LMOD1: variants seen among roughly 807,000 people sequenced by gnomAD.
The protein encoded by LMOD1 is leiomodin-1.
LMOD1 carries 8 observed loss-of-function variants against 36.5 expected under a neutral mutation model. The ratio of observed to expected loss-of-function variants is 0.22; its 90% confidence interval spans 0.13 to 0.40. The LOEUF (loss-of-function observed/expected upper bound fraction) is 0.40, where lower values mean the gene tolerates loss of function less well. Ranked by LOEUF, LMOD1 falls within the 10% of genes least tolerant of loss-of-function variation. The pLI, the probability that LMOD1 is intolerant of heterozygous loss-of-function variation, is 1.00. For missense variants in LMOD1, 630 were observed against 751.1 expected (o/e 0.84, Z 1.88); for synonymous variants, 284 against 288.7 (o/e 0.98, Z 0.17).
Position 201,913,914 on chromosome 1 carries a change from T to G in LMOD1, c.262-13163A>C, listed in dbSNP as rs80291061. Among the ~76,000 whole-genome samples, 463 of 152,284 alleles carry G rather than the reference T, an allele frequency of 3.0e-3. 2 individuals are homozygous for G. Among genetic ancestry groups the G allele is most frequent in the Non-Finnish European group, 3.5e-3 (240 of 68,026 alleles). On this transcript the variant is annotated intron_variant, in intron 1 of 2. Coordinates refer to ENST00000367288, the MANE Select transcript of LMOD1 (RefSeq NM_012134.3). The stretch of plus-strand genomic sequence containing the variant: ...TTTATGTAGCTTGTTTATCTATTCA[T>G]CCATTGATAGACACTTGGGCTGTTT...
At position 201,946,224 on chromosome 1, in the gene LMOD1, C is replaced by T. The variant is rs775937943; in HGVS notation, c.117G>A (p.Val39=). 6.2e-7 allele frequency: 1 copy of T among 1,614,042 alleles called. No individual in the cohort carries two copies. The highest frequency in any genetic ancestry group is 1.1e-5 in the South Asian group (1 of 91,088). The part of the protein sequence containing the change: ...MEELEKELDV[V]DPDGSVPVGL... Reference sequence around the variant, plus strand: ...CCACGGGAACACTCCCGTCTGGGTCCACCACGTCCAGCTCCTTCTCCAGCT... The same window carrying T: ...CCACGGGAACACTCCCGTCTGGGTCTACCACGTCCAGCTCCTTCTCCAGCT... The change falls in exon 1 of 3, where the codon GTG becomes GTA. Residue 39 remains valine, a synonymous_variant. Transcript: ENST00000367288.
intron 1 of LMOD1, among the ~76,000 whole-genome samples, chr1:201,943,141 A>T (rs895031940): frequency 2.0e-5 from 3 of 152,176 alleles, no homozygotes; most frequent in South Asian, 4.1e-4. Context: ...GGTTCTATCC[A>T]TGTGTGTTTT....
At chr1:201,937,206 G>C (rs1319353121) in intron 1 of LMOD1, among the ~76,000 whole-genome samples, 1 of 152,184 alleles carries the variant, frequency 6.6e-6, no homozygotes, top group East Asian at 1.9e-4. Flanking sequence ...CAGCACTTGG[G>C]AGGCCAAGGC....
intron 1 of LMOD1, among the ~76,000 whole-genome samples, chr1:201,915,512 G>A (rs1571580997): frequency 1.3e-5 from 2 of 152,010 alleles, no homozygotes; most frequent in South Asian, 2.1e-4. Flanking sequence ...TCCCTATCTG[G>A]GCAAGTGGCT....
chr1:201,943,314 T>A (rs1682151400), intron 1 of LMOD1, among the ~76,000 whole-genome samples: 1 of 152,246 alleles, frequency 6.6e-6, no homozygotes, highest in African/African-American at 2.4e-5. Flanking sequence ...GGAATAAAAA[T>A]ACACATCTCC....
chr1:201,934,639 T>C (rs1440279060), intron 1 of LMOD1, among the ~76,000 whole-genome samples: 2 of 152,220 alleles, frequency 1.3e-5, no homozygotes, highest in African/African-American at 2.4e-5. Context: ...GAGACTTATC[T>C]AGATGCTCCA....
rs73072603 is a variant in LMOD1, at chr1:201,928,522, C to G, written c.261+17558G>C. ...GGCTCTGTGAGTGCTGTGAAGAGGG[C>G]CACTCCCTCTCCTGCTCTTGTGTGT... On this transcript the variant is annotated intron_variant, in intron 1 of 2. Coordinates refer to ENST00000367288, the MANE Select transcript of LMOD1 (RefSeq NM_012134.3). Among the ~76,000 whole-genome samples the G allele has an allele frequency of 8.7e-3, 1,318 of 152,284 alleles. 16 individuals are homozygous for G. The highest frequency in any genetic ancestry group is 0.03 in the African/African-American group (1,247 of 41,560).
chr1:201,898,002 A>C lies in LMOD1; in HGVS notation c.*370T>G. Reference sequence around the variant, plus strand: ...GGCCTGAATCCTGGCCCTGGAGGGCAGTGGGGCTGGGGTGGATGTGGTCCC... The same window carrying C: ...GGCCTGAATCCTGGCCCTGGAGGGCCGTGGGGCTGGGGTGGATGTGGTCCC... On this transcript the variant is annotated 3_prime_UTR_variant, in exon 3 of 3. Coordinates refer to ENST00000367288, the MANE Select transcript of LMOD1 (RefSeq NM_012134.3). 4.5e-6 allele frequency: 1 copy of C among 224,004 alleles called. No homozygotes were observed. Among genetic ancestry groups the C allele is most frequent in the South Asian group, 9.8e-5 (1 of 10,234 alleles). The allele number at this position is 224,004 out of a possible 1,614,324, so 13.9% of individuals were successfully genotyped here.
intron 1 of LMOD1, among the ~76,000 whole-genome samples, chr1:201,904,969 G>T (rs1409500513): frequency 6.6e-6 from 1 of 152,170 alleles, no homozygotes; most frequent in East Asian, 1.9e-4. Context: ...GTACATCCCG[G>T]TGACCTCCAG....
At position 201,935,864 on chromosome 1, in the gene LMOD1, G is replaced by A. The variant is rs1682009469; in HGVS notation, c.261+10216C>T. 2.0e-5 allele frequency among the ~76,000 whole-genome samples: 3 copies of A among 151,436 alleles called. No homozygotes were observed. In the South Asian group the frequency reaches 6.3e-4, roughly 32 times the overall value. On this transcript the variant is annotated intron_variant, in intron 1 of 2. Transcript: ENST00000367288. Reference sequence around the variant, plus strand: ...GAGCCACCACACCTGGCCAATCCCAGGACTTTGGGAGGCCGAGGTGGGCAG... The same window carrying A: ...GAGCCACCACACCTGGCCAATCCCAAGACTTTGGGAGGCCGAGGTGGGCAG...
chr1:201,909,518 T>C (rs969032964), intron 1 of LMOD1, among the ~76,000 whole-genome samples: 1 of 152,204 alleles, frequency 6.6e-6, no homozygotes, highest in Non-Finnish European at 1.5e-5. Context: ...GTCCTGGGAT[T>C]ACAGGTGTGA....
Position 201,900,458 on chromosome 1 carries a change from G to A in LMOD1, c.555C>T (p.Thr185=). 6.2e-7 allele frequency: 1 copy of A among 1,607,156 alleles called. No individual in the cohort carries two copies. Among genetic ancestry groups the A allele is most frequent in the Non-Finnish European group, 8.5e-7 (1 of 1,176,746 alleles). The change falls in exon 2 of 3, where the codon ACC becomes ACT. Residue 185 remains threonine, a synonymous_variant. Transcript: ENST00000367288. The part of the protein sequence containing the change: ...DGRGEERAVA[T]KKEEEKKGSD... The stretch of plus-strand genomic sequence containing the variant: ...TCCCTTTCTTCTCCTCTTCCTTCTT[G>A]GTGGCCACTGCCCTCTCCTCTCCTC...
chr1:201,914,909 C>T (rs747038505), intron 1 of LMOD1, among the ~76,000 whole-genome samples: 9 of 152,108 alleles, frequency 5.9e-5, no homozygotes, highest in Non-Finnish European at 1.0e-4. Context: ...TCCACAGTCC[C>T]TTCCAGCTGT....
chr1:201,930,742 G>A (rs1240059521), intron 1 of LMOD1, among the ~76,000 whole-genome samples: 1 of 152,164 alleles, frequency 6.6e-6, no homozygotes, highest in Non-Finnish European at 1.5e-5. Context: ...TGCATAGGAA[G>A]GGCAGAGCCC....
In LMOD1 at chr1:201,939,276, T is replaced by A. The variant is rs1269526674; in HGVS notation, c.261+6804A>T. The stretch of plus-strand genomic sequence containing the variant: ...AACACTTTCAATGCCTCATCCTATT[T>A]AATCTTCACTATAACCCTTCAAGGA... On this transcript the variant is annotated intron_variant, in intron 1 of 2. Transcript: ENST00000367288. Among the ~76,000 whole-genome samples the A allele has an allele frequency of 2.6e-5, 4 of 152,212 alleles. No homozygotes were observed. In the South Asian group the frequency reaches 8.3e-4, roughly 31 times the overall value.
At chr1:201,901,668 ATATATACACATATATATATGTG>A (rs1681326679) in intron 1 of LMOD1, among the ~76,000 whole-genome samples, 1 of 100,314 alleles carries the variant, frequency 1.0e-5, no homozygotes, top group African/African-American at 3.8e-5. Context: ...GTGTATATAT[ATATATACACATATATATATGTG>A]TATATATATA....
At chr1:201,943,798 G>C (rs977789835) in intron 1 of LMOD1, among the ~76,000 whole-genome samples, 2 of 152,334 alleles carry the variant, frequency 1.3e-5, no homozygotes, top group Admixed American at 1.3e-4. Context: ...TCACAACCCT[G>C]TGAGATGGGT....
In LMOD1 at chr1:201,898,253, G is replaced by T; in HGVS notation, c.*119C>A. Reference sequence around the variant, plus strand: ...TGACCCAGGCCTGGACTCTCCCATGGCAGAATAGGGACATCCACAGCAGGT... The same window carrying T: ...TGACCCAGGCCTGGACTCTCCCATGTCAGAATAGGGACATCCACAGCAGGT... On this transcript the variant is annotated 3_prime_UTR_variant, in exon 3 of 3. Coordinates refer to ENST00000367288, the MANE Select transcript of LMOD1 (RefSeq NM_012134.3). 1 of 1,000,856 alleles carries T rather than the reference G, an allele frequency of 1.0e-6. No individual in the cohort carries two copies. Among genetic ancestry groups the T allele is most frequent in the Non-Finnish European group, 1.6e-6 (1 of 644,210 alleles). 62.0% of individuals were successfully genotyped at this position (1,000,856 alleles called of 1,614,324 possible).
intron 1 of LMOD1, among the ~76,000 whole-genome samples, chr1:201,925,332 T>C (rs1288794331): frequency 6.6e-6 from 1 of 152,232 alleles, no homozygotes; most frequent in Non-Finnish European, 1.5e-5. Context: ...CTTATAAGGC[T>C]GAAGCAAGGA....
Sources: gnomAD v4.1 joint callset for allele counts (sites outside exome capture counted in the v4.1 genomes callset) on GRCh38, gnomAD v4.1.1 for gene constraint, MANE v1.5 for transcripts, NCBI Gene and HGNC (gene_info 2026-07-23, HGNC 2026-07-21) for gene names.